Variants in PADI2 observed in about 807,000 individuals in gnomAD.
The protein encoded by PADI2 is protein-arginine deiminase type-2.
A neutral mutation model predicts 81.1 loss-of-function variants in PADI2; 70 were observed. The ratio of observed to expected loss-of-function variants is 0.86; its 90% CI spans 0.71 to 1.05. The LOEUF (loss-of-function observed/expected upper bound fraction) is 1.05, where lower values mean the gene tolerates loss of function less well. PADI2 is among the 50% of genes least tolerant of loss of function. The probability of loss-of-function intolerance (pLI) is 0.00; values close to 1 mark genes in which losing one functional copy is unlikely to be tolerated. For synonymous variants in PADI2, 338 were observed against 358.0 expected, an observed-to-expected ratio of 0.94 and a Z score of 0.63; for missense variants, 853 against 889.9, an observed-to-expected ratio of 0.96 and a Z score of 0.53.
intron 3 of PADI2, 57 bp downstream of exon 3, chr1:17,102,930 C>T: frequency 7.5e-7 from 1 of 1,332,570 alleles, no homozygotes; most frequent in Non-Finnish European, 1.1e-6. Flanking sequence ...CAGAGAAGGA[C>T]AACAGTGCCA....
chr1:17,075,729 C>A lies in PADI2; in HGVS notation c.1405G>T (p.Val469Leu). 2 of 1,614,084 alleles carry A rather than the reference C, an allele frequency of 1.2e-6. No individual in the cohort carries two copies. The highest frequency in any genetic ancestry group is 1.7e-6 in the Non-Finnish European group (2 of 1,179,990). ...GACATGAACTCATCCACGTGGCCCA[C>A]AGTCAGCCAGTCTGAGTAGAGCTCC... ...PVELYSDWLT[V>L]GHVDEFMSFV... Residue 469 changes from valine to leucine, a missense_variant, in exon 12 of 16, where the codon GTG becomes TTG. Val to Leu is a conservative substitution (Grantham distance 32). Coordinates refer to ENST00000375486, the MANE Select transcript of PADI2 (RefSeq NM_007365.3).
rs369091684 is a variant in PADI2 at position 17,082,633 on chromosome 1, T to G, written c.1070A>C (p.Tyr357Ser). 6.2e-7 allele frequency: 1 copy of G among 1,606,874 alleles called. No homozygotes were observed. Among genetic ancestry groups the G allele is most frequent in the African/African-American group, 1.3e-5 (1 of 74,482 alleles). ...RWIQDEIEFGYIEAPHKGFPV... is the reference protein window; with the variant it reads ...RWIQDEIEFGSIEAPHKGFPV... ...GAAGCCTTTATGGGGGGCCTCGATG[T>G]AGCCAAACTCAATTTCATCCTGCAG... The change falls in exon 10 of 16, where the codon TAC becomes TCC. Residue 357 changes from tyrosine to serine, a missense_variant. Coordinates refer to ENST00000375486, the MANE Select transcript of PADI2 (RefSeq NM_007365.3).
chr1:17,079,883 C>G (rs1463668252), intron 10 of PADI2, among the ~76,000 whole-genome samples: 1 of 151,760 alleles, frequency 6.6e-6, no homozygotes, highest in Non-Finnish European at 1.5e-5. Flanking sequence ...CAACCTGTGC[C>G]TCTTGGTTCA....
Position 17,093,519 on chromosome 1 carries a change from C to G in PADI2, c.529+48G>C, listed in dbSNP as rs752377217. On this transcript the variant is annotated intron_variant, in intron 5 of 15. Transcript: ENST00000375486. ...GCCCAGCCCAGGACTGGGCATGAAT[C>G]TTTTCACTCCTCTCATCCTGCCCCC... 6.3e-6 allele frequency: 8 copies of G among 1,263,778 alleles called. No individual in the cohort carries two copies. In the African/African-American group the frequency reaches 8.8e-5, roughly 14 times the overall value. 78.3% of individuals were successfully genotyped at this position (1,263,778 alleles called of 1,614,324 possible). A position where few individuals can be genotyped will look rare whatever the true frequency, so the allele number is the denominator to read the frequency against.
chr1:17,103,097 G>A (rs377362138), intron 2 of PADI2, 38 bp from the exon 3 acceptor site: 8 of 1,459,718 alleles, frequency 5.5e-6, no homozygotes, highest in Non-Finnish European at 7.7e-6. Context: ...AGAGAGAAAA[G>A]AGAGCAGAGA....
At position 17,119,329 on chromosome 1, in the gene PADI2, C is replaced by G. The variant is rs1005529535; in HGVS notation, c.43G>C (p.Val15Leu). ...GTGCCCAGCACGTACACCGCCTCCA[C>G]GCGGCTCCCGTACTGCAGCCGCACG... ...RTVRLQYGSR[V>L]EAVYVLGTYL... Residue 15 changes from valine (V) to leucine (L), a missense_variant, in exon 1 of 16, where the codon GTG (valine) becomes CTG (leucine). Coordinates refer to ENST00000375486, the MANE Select transcript of PADI2 (RefSeq NM_007365.3). This position sits in a 1 kb window ranked among gnomAD's most constrained non-coding sequence, Gnocchi z 4.8. 1 of 1,556,676 alleles carries G rather than the reference C, an allele frequency of 6.4e-7. No homozygotes were observed. Among genetic ancestry groups the G allele is most frequent in the Non-Finnish European group, 8.7e-7 (1 of 1,151,478 alleles).
chr1:17,077,171 C>CA (rs934562844), intron 11 of PADI2, among the ~76,000 whole-genome samples: 10 of 152,084 alleles, frequency 6.6e-5, no homozygotes, highest in African/African-American at 2.4e-4. Flanking sequence ...GTCACATCTT[C>CA]AAAAAAACAA....
chr1:17,108,475 G>T (rs1044945662), intron 1 of PADI2, among the ~76,000 whole-genome samples: 1 of 151,974 alleles, frequency 6.6e-6, no homozygotes, highest in East Asian at 2.0e-4. Flanking sequence ...GCTGAGTGGT[G>T]TTGCCACGTG....
chr1:17,105,968 T>C (rs1181613842), intron 1 of PADI2, among the ~76,000 whole-genome samples: 2 of 152,092 alleles, frequency 1.3e-5, no homozygotes, highest in Admixed American at 6.5e-5. Flanking sequence ...AGGTGGAAGA[T>C]GGAGACCCAG....
intron 10 of PADI2, among the ~76,000 whole-genome samples, chr1:17,080,735 C>A (rs1229614953): frequency 6.6e-6 from 1 of 152,198 alleles, no homozygotes; most frequent in Admixed American, 6.5e-5. Flanking sequence ...CCCCATTGGC[C>A]CCTGAATTTT....
intron 2 of PADI2, 142 bp downstream of exon 2, chr1:17,104,736 T>G: frequency 4.4e-6 from 3 of 674,628 alleles, no homozygotes; most frequent in Middle Eastern, 4.7e-4. Context: ...CCCGGCCTCT[T>G]TTTGCCTTTT....
rs541928858 is a variant in PADI2 at position 17,084,659 on chromosome 1, C to T, written c.878G>A (p.Arg293Gln). ...GGGGGTCATGATCCACGGAGCAATC[C>T]GGAATATCACGGTGTCCGTGAAGAT... Reference protein sequence around the residue: ...TPIFTDTVIFRIAPWIMTPNI... With the variant: ...TPIFTDTVIFQIAPWIMTPNI... The change falls in exon 8 of 16, where the codon CGG becomes CAG. Residue 293 changes from arginine (R) to glutamine (Q), a missense_variant. By Grantham distance (43) the Arg-to-Gln change is conservative (BLOSUM62 1). Transcript: ENST00000375486. 39 of 1,571,004 alleles carry T rather than the reference C, an allele frequency of 2.5e-5. No individual in the cohort carries two copies. The highest frequency in any genetic ancestry group is 1.7e-4 in the Admixed American group (9 of 54,000).
chr1:17,096,815 C>A (rs11576552), intron 3 of PADI2, among the ~76,000 whole-genome samples: 84,284 of 151,858 alleles, frequency 0.56, 23,836 homozygotes, highest in Non-Finnish European at 0.63. Flanking sequence ...TCACTTGTAA[C>A]ATGGGGCCCT....
chr1:17,070,119 T>C lies in PADI2; in HGVS notation c.1733A>G (p.Asp578Gly). The C allele has an allele frequency of 6.2e-7, 1 of 1,614,080 alleles. No homozygotes were observed. Residue 578 changes from aspartate (D) to glycine (G), a missense_variant, in exon 15 of 16, where the codon GAC becomes GGC. Physicochemically the swap from Asp to Gly is moderately conservative, Grantham distance 94. Transcript: ENST00000375486. Reference sequence around the variant, plus strand: ...TGGGAAGAAGGCTCTGGCACGGTGGTCCTCGTCCATCTTGAACAGAGCGGG... The same window carrying C: ...TGGGAAGAAGGCTCTGGCACGGTGGCCCTCGTCCATCTTGAACAGAGCGGG... ...DLPALFKMDE[D>G]HRARAFFPNM...
At chr1:17,070,443 T>G (rs1398527914) in intron 14 of PADI2, among the ~76,000 whole-genome samples, 2 of 152,188 alleles carry the variant, frequency 1.3e-5, no homozygotes, top group Non-Finnish European at 2.9e-5. Context: ...GAACAGCAGC[T>G]GCCATTTCCT....
At chr1:17,103,379 GA>G (rs1931223441) in intron 2 of PADI2, among the ~76,000 whole-genome samples, 1 of 152,216 alleles carries the variant, frequency 6.6e-6, no homozygotes, top group East Asian at 1.9e-4. Flanking sequence ...CCACTGAGGG[GA>G]CAGGGCTGAG....
At chr1:17,117,630 C>A (rs778254141) in intron 1 of PADI2, among the ~76,000 whole-genome samples, 114 of 152,282 alleles carry the variant, frequency 7.5e-4, no homozygotes, top group Admixed American at 1.4e-3. Flanking sequence ...GCCCCTACCC[C>A]AGCTGGGCCT....
intron 10 of PADI2, among the ~76,000 whole-genome samples, chr1:17,080,024 C>G (rs1249579778): frequency 1.3e-5 from 2 of 152,160 alleles, no homozygotes; most frequent in African/African-American, 4.8e-5. Flanking sequence ...CTCCTGACCT[C>G]AAGTGATCCA....
At chr1:17,071,984 G>C (rs2078267718) in intron 13 of PADI2, among the ~76,000 whole-genome samples, 1 of 151,208 alleles carries the variant, frequency 6.6e-6, no homozygotes, top group Non-Finnish European at 1.5e-5. Flanking sequence ...GATTAGTAAT[G>C]CCTAATGCTC....
Sources: gnomAD v4.1 joint callset for allele counts (sites outside exome capture counted in the v4.1 genomes callset) on GRCh38, gnomAD v4.1.1 for gene constraint, Gnocchi (gnomAD v3.1) non-coding constraint, MANE v1.5 for transcripts, NCBI Gene and HGNC (gene_info 2026-07-23, HGNC 2026-07-21) for gene names.